ADAM10: variants seen among roughly 807,000 people sequenced by gnomAD.
ADAM10 encodes the protein disintegrin and metalloproteinase domain-containing protein 10.
In ADAM10, 17 loss-of-function variants were observed where a neutral mutation model predicts 90.1. The ratio of observed to expected loss-of-function variants is 0.19; its 90% CI spans 0.13 to 0.28. The LOEUF is 0.28. ADAM10 is among the 10% of genes least tolerant of loss of function. ADAM10 has a pLI of 1.00. For missense variants in ADAM10, 610 were observed against 914.3 expected (o/e 0.67, Z 4.29); for synonymous variants, 310 against 298.6 (o/e 1.04, Z -0.40).
intron 14 of ADAM10, chr15:58,609,255 G>A (rs1276956387): frequency 4.6e-5 from 7 of 152,166 alleles, no homozygotes; most frequent in African/African-American, 1.7e-4. Context: ...CCTAAGTTAA[G>A]TCAACTGCTC....
chr15:58,749,668 C>A lies in ADAM10; in HGVS notation c.-134G>T. On this transcript the variant is annotated 5_prime_UTR_variant, in exon 1 of 16. Transcript: ENST00000260408. ...GGACCTCCCCTGGCAGGAGAAACGG[C>A]GAAGCACCTCCCTCTCGCTCCACTT... The A allele has an allele frequency of 6.8e-7, 1 of 1,472,928 alleles. No homozygotes were observed. The highest frequency in any genetic ancestry group is 9.1e-7 in the Non-Finnish European group (1 of 1,100,708). The allele number at this position is 1,472,928 out of a possible 1,614,324, so 91.2% of individuals were successfully genotyped here.
At chr15:58,700,394 C>T (rs1024602167) in intron 2 of ADAM10, among the ~76,000 whole-genome samples, 4 of 151,962 alleles carry the variant, frequency 2.6e-5, no homozygotes, top group Non-Finnish European at 4.4e-5. Context: ...AGTCAGACTA[C>T]AAAAGAATAA....
chr15:58,661,520 T>C (rs770998466), intron 5 of ADAM10, among the ~76,000 whole-genome samples: 12 of 151,206 alleles, frequency 7.9e-5, no homozygotes, highest in Non-Finnish European at 1.3e-4. Context: ...GTTATACTTA[T>C]CTTTGTTCCC....
intron 1 of ADAM10, among the ~76,000 whole-genome samples, chr15:58,725,552 A>G (rs1195074028): frequency 6.6e-6 from 1 of 151,594 alleles, no homozygotes; most frequent in African/African-American, 2.4e-5. Flanking sequence ...AAAAATTAAA[A>G]TTAAAAATAT....
intron 5 of ADAM10, among the ~76,000 whole-genome samples, chr15:58,654,701 G>A (rs566444920): frequency 3.3e-5 from 5 of 152,164 alleles, no homozygotes; most frequent in African/African-American, 4.8e-5. Flanking sequence ...TTCCATTATC[G>A]TTTGTTTCAA....
intron 2 of ADAM10, among the ~76,000 whole-genome samples, chr15:58,713,521 T>C (rs1898544112): frequency 6.6e-6 from 1 of 152,192 alleles, no homozygotes; most frequent in South Asian, 2.1e-4. Flanking sequence ...GTAAATAAAG[T>C]TATAATAAAA....
intron 14 of ADAM10, among the ~76,000 whole-genome samples, chr15:58,600,952 C>CCAG (rs1490740419): frequency 6.6e-6 from 1 of 152,058 alleles, no homozygotes; most frequent in African/African-American, 2.4e-5. Context: ...TTTAGTTTTT[C>CCAG]CAGCAGTGTT....
At chr15:58,639,556 C>T (rs1273306294) in intron 8 of ADAM10, among the ~76,000 whole-genome samples, 1 of 152,020 alleles carries the variant, frequency 6.6e-6, no homozygotes, top group Non-Finnish European at 1.5e-5. Context: ...GCTGTACAAT[C>T]TGCTGACTAA....
intron 4 of ADAM10, among the ~76,000 whole-genome samples, chr15:58,667,860 C>T (rs1232389525): frequency 6.6e-6 from 1 of 151,804 alleles, no homozygotes; most frequent in African/African-American, 2.4e-5. Context: ...CCGTTTCTCC[C>T]GGGTACCAAT....
At chr15:58,666,110 A>T (rs1353777550) in intron 4 of ADAM10, among the ~76,000 whole-genome samples, 2 of 151,556 alleles carry the variant, frequency 1.3e-5, no homozygotes, top group Non-Finnish European at 2.9e-5. Flanking sequence ...TCAACCCTTT[A>T]ACATCAGTGA....
chr15:58,591,532 G>C lies in ADAM10; in HGVS notation c.*6015C>G, dbSNP rs931772065. On this transcript the variant is annotated 3_prime_UTR_variant, in exon 16 of 16. Transcript: ENST00000260408. Reference sequence around the variant, plus strand: ...CCCACCTTGGCCTCCCAAAGTGTTGGGATTACAGGTATGAGCCATCACAAC... The same window carrying C: ...CCCACCTTGGCCTCCCAAAGTGTTGCGATTACAGGTATGAGCCATCACAAC... 5 of 152,012 alleles carry C rather than the reference G, an allele frequency of 3.3e-5. No individual in the cohort carries two copies. Among genetic ancestry groups the C allele is most frequent in the South Asian group, 2.1e-4 (1 of 4,800 alleles). The allele number at this position is 152,012 out of a possible 1,614,324, so 9.4% of individuals were successfully genotyped here.
intron 15 of ADAM10, among the ~76,000 whole-genome samples, chr15:58,599,318 T>TAA (rs376724177): frequency 4.9e-4 from 70 of 141,752 alleles, no homozygotes; most frequent in African/African-American, 1.4e-3. Flanking sequence ...AGAATATATT[T>TAA]AAAAAAAAAA....
chr15:58,647,294 T>C (rs1896577512), intron 5 of ADAM10, among the ~76,000 whole-genome samples: 1 of 123,368 alleles, frequency 8.1e-6, no homozygotes. Context: ...AGAGTCTCAC[T>C]CTGTTGCCCA....
chr15:58,721,579 A>G (rs1383803344), intron 1 of ADAM10, among the ~76,000 whole-genome samples: 1 of 152,184 alleles, frequency 6.6e-6, no homozygotes, highest in Non-Finnish European at 1.5e-5. Context: ...ACACACATAG[A>G]ACAAACTTCA....
intron 2 of ADAM10, among the ~76,000 whole-genome samples, chr15:58,699,275 C>T (rs4277293): frequency 0.05 from 7,620 of 152,234 alleles, 657 homozygotes; most frequent in African/African-American, 0.17. Context: ...ACTAGACCAA[C>T]TGTACAAGAA....
At chr15:58,689,281 T>G (rs1359452629) in intron 2 of ADAM10, among the ~76,000 whole-genome samples, 1 of 151,774 alleles carries the variant, frequency 6.6e-6, no homozygotes, top group East Asian at 1.9e-4. Context: ...AGCTTAGGAG[T>G]TCGAGACCAG....
intron 1 of ADAM10, among the ~76,000 whole-genome samples, chr15:58,731,327 A>G (rs1200952716): frequency 6.6e-6 from 1 of 152,150 alleles, no homozygotes; most frequent in African/African-American, 2.4e-5. Context: ...GGTTTAAAGT[A>G]TATGGGAGGG....
intron 11 of ADAM10, among the ~76,000 whole-genome samples, chr15:58,617,524 CACT>C (rs1895652261): frequency 6.6e-6 from 1 of 151,994 alleles, no homozygotes; most frequent in South Asian, 2.1e-4. Context: ...CCACTCTCAC[CACT>C]GTTATCAATA....
At chr15:58,672,181 C>T (rs1465048434) in intron 4 of ADAM10, 1 of 152,100 alleles carries the variant, frequency 6.6e-6, no homozygotes, top group Admixed American at 6.5e-5. Context: ...TTCATATAAT[C>T]ATGTATTTCT....
Sources: allele counts gnomAD v4.1 joint callset (sites outside exome capture counted in the v4.1 genomes callset), GRCh38; gene constraint gnomAD v4.1.1; transcripts MANE v1.5; gene names NCBI Gene and HGNC (gene_info 2026-07-23, HGNC 2026-07-21).